Variants in NRP2 observed in about 807,000 individuals in gnomAD.
The protein encoded by NRP2 is neuropilin-2.
Under a neutral mutation model 110.4 loss-of-function variants are expected in NRP2, and 52 were observed. The observed-to-expected ratio is 0.47, with a 90% CI of 0.38 to 0.59. The LOEUF is 0.59. NRP2 is among the 20% of genes least tolerant of loss of function. The pLI is 0.00. For synonymous variants in NRP2, 508 were observed against 468.9 expected (o/e 1.08, Z -1.08); for missense variants, 1,049 against 1,203.0 (o/e 0.87, Z 1.89).
chr2:205,762,587 G>A (rs882987), intron 12 of NRP2: 96,417 of 152,102 alleles, frequency 0.63, 30,938 homozygotes, highest in African/African-American at 0.7. Context: ...GGCATCTGAC[G>A]TGCCCACATT....
intron 1 of NRP2, among the ~76,000 whole-genome samples, chr2:205,688,735 C>A (rs1004150095): frequency 2.0e-5 from 3 of 152,040 alleles, no homozygotes; most frequent in African/African-American, 7.2e-5. Flanking sequence ...ATAAATCCCC[C>A]ATTTCTGAAA....
intron 2 of NRP2, among the ~76,000 whole-genome samples, chr2:205,698,428 C>T (rs2056482639): frequency 6.6e-6 from 1 of 152,060 alleles, no homozygotes; most frequent in Non-Finnish European, 1.5e-5. Context: ...GAGAGAAAAC[C>T]GAAGCACAGA....
At chr2:205,758,212 T>C (rs2057764232) in intron 12 of NRP2, among the ~76,000 whole-genome samples, 1 of 152,222 alleles carries the variant, frequency 6.6e-6, no homozygotes, top group Non-Finnish European at 1.5e-5. Context: ...GGCTGACTCA[T>C]GTTTTAAGCA....
Position 205,796,248 on chromosome 2 carries a change from TCTCCTTTGGGTTACAAA to T in NRP2, c.*1192_*1208del, listed in dbSNP as rs1344720035. On this transcript the variant is annotated 3_prime_UTR_variant, in exon 17 of 17. Transcript: ENST00000357785. ...TCAAATAGACTAGTAAACACCGACT[TCTCCTTTGGGTTACAAA>T]CACCATTTCAACCTTTCGGGAGAGT... is the stretch of plus-strand genomic sequence containing the variant. The T allele has an allele frequency of 1.3e-5, 2 of 152,160 alleles. No individual in the cohort carries two copies. The highest frequency in any genetic ancestry group is 1.3e-4 in the Admixed American group (2 of 15,280). The allele number at this position is 152,160 out of a possible 1,614,324, so 9.4% of individuals were successfully genotyped here.
At chr2:205,744,214 C>T (rs934374238) in intron 9 of NRP2, among the ~76,000 whole-genome samples, 3 of 152,116 alleles carry the variant, frequency 2.0e-5, no homozygotes, top group African/African-American at 7.2e-5. Context: ...ATGCCTAACC[C>T]CTACTGAACA....
intron 15 of NRP2, chr2:205,776,529 GC>G (rs2058103616): frequency 6.2e-7 from 1 of 1,603,420 alleles, no homozygotes; most frequent in Admixed American, 1.7e-5. Context: ...ACTGCTGAGG[GC>G]CGAAGCAAGA....
chr2:205,753,092 T>G (rs945263286), intron 12 of NRP2, 117 bp downstream of exon 12: 2 of 1,378,706 alleles, frequency 1.5e-6, no homozygotes, highest in African/African-American at 1.4e-5. Context: ...TCCTCTATTC[T>G]TTGCCCACAA....
Position 205,798,074 on chromosome 2 carries a change from A to G in NRP2, c.*3016A>G, listed in dbSNP as rs150562515. 1,990 of 152,396 alleles carry G rather than the reference A, an allele frequency of 0.013. 21 individuals are homozygous for G. The highest frequency in any genetic ancestry group is 0.034 in the Middle Eastern group (10 of 292). 9.4% of individuals were successfully genotyped at this position (152,396 alleles called of 1,614,324 possible). A position where few individuals can be genotyped will look rare whatever the true frequency, so the allele number is the denominator to read the frequency against. On this transcript the variant is annotated 3_prime_UTR_variant, in exon 17 of 17. Transcript: ENST00000357785. ...TAAACAACAATGTCAAACTGTGTTT[A>G]TATGATTTGTATAAAGCCTTTTTAA...
chr2:205,690,008 G>A (rs1027098370), intron 1 of NRP2, among the ~76,000 whole-genome samples: 13 of 152,182 alleles, frequency 8.5e-5, no homozygotes, highest in Admixed American at 3.3e-4. Flanking sequence ...AGAAGCTCTC[G>A]GTAGCACAGA....
rs542403579 is a variant in NRP2, at chr2:205,711,320, C to A, written c.252-4873C>A. ...TTATTGTCTGGTGCAGGAGACAGAT[C>A]ATAAACAAATAGGTATATTGACAAG... On this transcript the variant is annotated intron_variant, in intron 2 of 16. Transcript: ENST00000357785. Among the ~76,000 whole-genome samples the A allele has an allele frequency of 2.6e-5, 4 of 152,272 alleles. No homozygotes were observed. In the East Asian group the frequency reaches 7.7e-4, roughly 29 times the overall value.
intron 1 of NRP2, among the ~76,000 whole-genome samples, chr2:205,694,001 T>G (rs1443252075): frequency 6.6e-6 from 1 of 152,226 alleles, no homozygotes; most frequent in Non-Finnish European, 1.5e-5. Flanking sequence ...TTTTAAAAGA[T>G]CTTCTTTTCC....
rs934017551 is a variant in NRP2 at position 205,686,998 on chromosome 2, C to G, written c.73+3635C>G. Among the ~76,000 whole-genome samples, 11 of 152,212 alleles carry G rather than the reference C, an allele frequency of 7.2e-5. No homozygotes were observed. Among genetic ancestry groups the G allele is most frequent in the African/African-American group, 2.4e-4 (10 of 41,452 alleles). On this transcript the variant is annotated intron_variant, in intron 1 of 16. Transcript: ENST00000357785. This position sits in a 1 kb window ranked among gnomAD's most constrained non-coding sequence, Gnocchi z 4.7. ...AATGGGTTTCTTCAAATGGTGGCAA[C>G]TCCCAGGCCTAATGTCCCCACCTCC...
At chr2:205,690,626 A>ACACACACG (rs768244705) in intron 1 of NRP2, among the ~76,000 whole-genome samples, 9 of 124,566 alleles carry the variant, frequency 7.2e-5, no homozygotes, top group Admixed American at 2.5e-4. Context: ...ACACACACAC[A>ACACACACG]CACAATAGCT....
At chr2:205,776,809 C>T in intron 15 of NRP2, 4 of 1,336,970 alleles carry the variant, frequency 3.0e-6, no homozygotes, top group Non-Finnish European at 3.9e-6. Context: ...CACTCCACAA[C>T]TCAAGGCTCA....
intron 10 of NRP2, among the ~76,000 whole-genome samples, chr2:205,746,447 T>C (rs1301128843): frequency 6.6e-6 from 1 of 152,226 alleles, no homozygotes; most frequent in Non-Finnish European, 1.5e-5. Flanking sequence ...ACACCTCTCA[T>C]CATTCCAAAT....
rs778963372 is a variant in NRP2 at position 205,725,925 on chromosome 2, A to G, written c.833A>G (p.Asn278Ser). ...HQEPLENFQCNVPLGMESGRI... is the reference protein window; with the variant it reads ...HQEPLENFQCSVPLGMESGRI... ...CTGCTTTCCCCAGACTTTCAGTGCAATGTTCCTCTGGGCATGGAGTCTGGC... is the reference window on the plus strand; with the variant it reads ...CTGCTTTCCCCAGACTTTCAGTGCAGTGTTCCTCTGGGCATGGAGTCTGGC... The change falls in exon 6 of 17, where the codon AAT becomes AGT. Residue 278 changes from asparagine to serine, a missense_variant. Transcript: ENST00000357785. This position sits in a 1 kb window ranked among gnomAD's most constrained non-coding sequence, Gnocchi z 4.1. 3.1e-6 allele frequency: 5 copies of G among 1,614,136 alleles called. No homozygotes were observed. Among genetic ancestry groups the G allele is most frequent in the East Asian group, 4.5e-5 (2 of 44,882 alleles).
intron 15 of NRP2, among the ~76,000 whole-genome samples, chr2:205,772,662 G>T (rs771336100): frequency 1.3e-5 from 2 of 152,172 alleles, no homozygotes; most frequent in African/African-American, 2.4e-5. Context: ...GGAAAATTCA[G>T]GTCAACAGAT....
At chr2:205,690,387 TG>T (rs576386808) in intron 1 of NRP2, among the ~76,000 whole-genome samples, 1 of 152,198 alleles carries the variant, frequency 6.6e-6, no homozygotes, top group African/African-American at 2.4e-5. Context: ...TTTGGAAGTG[TG>T]GGGGTTGGAG....
chr2:205,794,562 G>C (rs1367780346), intron 16 of NRP2, among the ~76,000 whole-genome samples, 192 bp from the exon 17 acceptor site: 17 of 152,196 alleles, frequency 1.1e-4, no homozygotes. Flanking sequence ...GAAGCAAAGA[G>C]AGGTTCAATA....
Sources: allele counts gnomAD v4.1 joint callset (sites outside exome capture counted in the v4.1 genomes callset), GRCh38; gene constraint gnomAD v4.1.1; non-coding constraint Gnocchi (gnomAD v3.1); transcripts MANE v1.5; gene names NCBI Gene and HGNC (gene_info 2026-07-23, HGNC 2026-07-21).